VSX2: variants seen among roughly 807,000 people sequenced by gnomAD.
VSX2 encodes the protein ceh-10 homeo domain containing homolog.
Under a neutral mutation model 32.1 loss-of-function variants are expected in VSX2, and 28 were observed. The observed-to-expected ratio is 0.87, with a 90% CI of 0.65 to 1.20. The LOEUF is 1.20. Among genes scored for constraint, VSX2 ranks in the 50% most tolerant of loss-of-function variants. The probability of loss-of-function intolerance (pLI) is 0.00; values close to 1 mark genes in which losing one functional copy is unlikely to be tolerated. For synonymous variants in VSX2, 243 were observed against 214.1 expected, an observed-to-expected ratio of 1.14 and a Z score of -1.18; for missense variants, 506 against 488.7, an observed-to-expected ratio of 1.04 and a Z score of -0.33.
At chr14:74,250,974 C>G (rs2079224542) in intron 3 of VSX2, among the ~76,000 whole-genome samples, 1 of 151,686 alleles carries the variant, frequency 6.6e-6, no homozygotes, top group Non-Finnish European at 1.5e-5. Context: ...AATGCCCATG[C>G]GCTCCCCCGG....
rs777492849 is a variant in VSX2 at position 74,239,809 on chromosome 14, G to T, written c.248G>T (p.Gly83Val). ...VGGMGLLGPG[G>V]LPGFYTQPTF... Reference sequence around the variant, plus strand: ...GGCATGGGGCTTCTGGGGCCCGGGGGGCTCCCTGGCTTCTACACGCAGCCC... The same window carrying T: ...GGCATGGGGCTTCTGGGGCCCGGGGTGCTCCCTGGCTTCTACACGCAGCCC... Residue 83 changes from glycine to valine, a missense_variant, in exon 1 of 5, where the codon GGG becomes GTG. Transcript: ENST00000261980. 3 of 1,570,888 alleles carry T rather than the reference G, an allele frequency of 1.9e-6. No individual in the cohort carries two copies. The highest frequency in any genetic ancestry group is 4.6e-5 in the East Asian group (2 of 43,128).
intron 4 of VSX2, among the ~76,000 whole-genome samples, chr14:74,260,020 CTG>C (rs2079294164): frequency 6.6e-6 from 1 of 152,194 alleles, no homozygotes; most frequent in African/African-American, 2.4e-5. Context: ...GAGTCCCTAA[CTG>C]TGGATTATTT....
intron 1 of VSX2, among the ~76,000 whole-genome samples, chr14:74,240,356 C>T (rs2079141145): frequency 1.3e-5 from 2 of 152,198 alleles, no homozygotes; most frequent in African/African-American, 4.8e-5. Context: ...CCGGCCCCAT[C>T]CCTGGTGTCC....
At position 74,262,291 on chromosome 14, in the gene VSX2, C is replaced by A. The variant is rs1044381920; in HGVS notation, c.*1372C>A. 3 of 152,240 alleles carry A rather than the reference C, an allele frequency of 2.0e-5. No individual in the cohort carries two copies. Among genetic ancestry groups the A allele is most frequent in the African/African-American group, 7.2e-5 (3 of 41,410 alleles). 9.4% of individuals were successfully genotyped at this position (152,240 alleles called of 1,614,324 possible). A position where few individuals can be genotyped will look rare whatever the true frequency, so the allele number is the denominator to read the frequency against. On this transcript the variant is annotated 3_prime_UTR_variant, in exon 5 of 5. Coordinates refer to ENST00000261980, the MANE Select transcript of VSX2 (RefSeq NM_182894.3). ...GATGGGTGGACCTGTGTATGGTGAC[C>A]TCTCCGGCCTGGCCTTTTCCATTCG...
chr14:74,252,159 G>C (rs1341432981), intron 3 of VSX2, among the ~76,000 whole-genome samples: 1 of 152,254 alleles, frequency 6.6e-6, no homozygotes, highest in African/African-American at 2.4e-5. Flanking sequence ...GCAGAGACAA[G>C]AGGAGGTGTG....
chr14:74,255,851 G>A (rs1375780052), intron 3 of VSX2, among the ~76,000 whole-genome samples: 1 of 152,070 alleles, frequency 6.6e-6, no homozygotes, highest in African/African-American at 2.4e-5. Flanking sequence ...TTATAAATTT[G>A]GCATCAAAAC....
chr14:74,249,676 A>G (rs749740749), intron 3 of VSX2, among the ~76,000 whole-genome samples: 1 of 152,308 alleles, frequency 6.6e-6, no homozygotes, highest in Non-Finnish European at 1.5e-5. Context: ...TAAGACTGGG[A>G]TTCAAACCCA....
At chr14:74,242,427 G>T (rs758108450) in intron 2 of VSX2, among the ~76,000 whole-genome samples, 20 of 152,066 alleles carry the variant, frequency 1.3e-4, no homozygotes, top group Admixed American at 3.9e-4. Flanking sequence ...ACTGTTGACC[G>T]CCACCTTTTA....
chr14:74,252,285 C>T (rs1411191411), intron 3 of VSX2, among the ~76,000 whole-genome samples: 1 of 152,230 alleles, frequency 6.6e-6, no homozygotes, highest in African/African-American at 2.4e-5. Context: ...TCCCTGGGCC[C>T]AGTCTTTCCT....
chr14:74,242,335 C>T (rs537803378), intron 2 of VSX2, among the ~76,000 whole-genome samples: 3 of 152,296 alleles, frequency 2.0e-5, no homozygotes, highest in African/African-American at 7.2e-5. Context: ...ATCGTTTTCT[C>T]CCACCCTAAT....
chr14:74,258,418 C>T (rs909241849), intron 3 of VSX2, among the ~76,000 whole-genome samples: 1 of 152,118 alleles, frequency 6.6e-6, no homozygotes, highest in Non-Finnish European at 1.5e-5. Flanking sequence ...GAGGGAAGGG[C>T]GGCGCCGGCC....
At chr14:74,247,237 C>T (rs987749074) in intron 3 of VSX2, among the ~76,000 whole-genome samples, 7 of 152,146 alleles carry the variant, frequency 4.6e-5, no homozygotes, top group African/African-American at 9.7e-5. Context: ...GCAGTCACAG[C>T]GATCGTTTCC....
chr14:74,255,648 A>G (rs995932976), intron 3 of VSX2, among the ~76,000 whole-genome samples: 3 of 152,176 alleles, frequency 2.0e-5, no homozygotes, highest in African/African-American at 7.2e-5. Flanking sequence ...TTAGTACCCT[A>G]AAAATGCTGT....
At chr14:74,248,333 C>CAAAA (rs2079205782) in intron 3 of VSX2, among the ~76,000 whole-genome samples, 1 of 31,956 alleles carries the variant, frequency 3.1e-5, no homozygotes, top group African/African-American at 7.6e-5. Context: ...TGAGACCAGG[C>CAAAA]TAAAAAAAAA....
intron 3 of VSX2, among the ~76,000 whole-genome samples, chr14:74,247,236 G>A (rs1032243944): frequency 3.9e-5 from 6 of 152,212 alleles, no homozygotes; most frequent in African/African-American, 1.4e-4. Flanking sequence ...AGCAGTCACA[G>A]CGATCGTTTC....
chr14:74,239,595 C>T lies in VSX2; in HGVS notation c.34C>T (p.Pro12Ser). The stretch of plus-strand genomic sequence containing the variant: ...GAAAGCAGGGGAAGCGCTGAGCAAG[C>T]CCAAATCCGAGACAGTGGCCAAGAG... ...TGKAGEALSK[P>S]KSETVAKSTS... The change falls in exon 1 of 5, where the codon CCC becomes TCC. Residue 12 changes from proline (P) to serine (S), a missense_variant. Coordinates refer to ENST00000261980, the MANE Select transcript of VSX2 (RefSeq NM_182894.3). The T allele has an allele frequency of 6.4e-7, 1 of 1,551,402 alleles. No homozygotes were observed. Among genetic ancestry groups the T allele is most frequent in the Non-Finnish European group, 8.7e-7 (1 of 1,147,002 alleles).
chr14:74,259,790 C>A lies in VSX2; in HGVS notation c.760+8C>A. ...GTGCCCCGTGGCTACTGGGTAAGAG[C>A]CCGCACCCTCCTTGGGGTCCTGCCC... On this transcript the variant is annotated splice_region_variant and intron_variant, in intron 4 of 4. Transcript: ENST00000261980. 6.5e-7 allele frequency: 1 copy of A among 1,546,140 alleles called. No homozygotes were observed. Among genetic ancestry groups the A allele is most frequent in the Non-Finnish European group, 8.7e-7 (1 of 1,154,428 alleles).
chr14:74,241,359 G>A (rs2139630033), intron 2 of VSX2, 93 bp downstream of exon 2: 9 of 1,389,336 alleles, frequency 6.5e-6, no homozygotes, highest in Non-Finnish European at 9.1e-6. Flanking sequence ...TATTTTCGCC[G>A]ACAACGGATC....
intron 3 of VSX2, among the ~76,000 whole-genome samples, chr14:74,254,610 A>C (rs1415473541): frequency 6.6e-6 from 1 of 152,116 alleles, no homozygotes; most frequent in Non-Finnish European, 1.5e-5. Flanking sequence ...GGGCATGTGA[A>C]GGAGGCCAGA....
Sources: gnomAD v4.1 joint callset for allele counts (sites outside exome capture counted in the v4.1 genomes callset) on GRCh38, gnomAD v4.1.1 for gene constraint, MANE v1.5 for transcripts, NCBI Gene and HGNC (gene_info 2026-07-23, HGNC 2026-07-21) for gene names.